The following ABCA4 variants were observed in gnomAD, a reference collection of about 807,000 sequenced individuals.
ABCA4 encodes the protein ATP binding cassette subfamily A member 4.
In ABCA4, 196 loss-of-function variants were observed where a neutral mutation model predicts 263.7. The ratio of observed to expected loss-of-function variants is 0.74; its 90% CI spans 0.66 to 0.84. ABCA4 has a LOEUF of 0.84. Among genes scored for constraint, ABCA4 ranks in the 40% least tolerant of loss-of-function variants. The probability of loss-of-function intolerance (pLI) is 0.00; values close to 1 mark genes in which losing one functional copy is unlikely to be tolerated. For missense variants in ABCA4, 2,792 were observed against 2,855.1 expected (o/e 0.98, Z 0.50); for synonymous variants, 1,133 against 1,094.2 (o/e 1.04, Z -0.70).
chr1:94,056,234 GACAGATAGT>G, intron 15 of ABCA4, among the ~76,000 whole-genome samples: 1 of 152,318 alleles, frequency 6.6e-6, no homozygotes, highest in South Asian at 2.1e-4. Flanking sequence ...CATCTCTTTA[GACAGATAGT>G]AAAGTGGCAA....
Position 94,031,865 on chromosome 1 carries a change from C to A in ABCA4, c.4041G>T (p.Gly1347=), listed in dbSNP as rs1205700196. ...PECPGPQLNT[G]TQLVLQHVQA... is the part of the protein sequence containing the mutation. ...GCACATGCTGGAGGACCAGCTGTGT[C>A]CCCGTGTTGAGCTGCGGGCCTGGGC... is the stretch of plus-strand genomic sequence containing the variant. Residue 1347 remains glycine (G), a synonymous_variant, in exon 27 of 50, where the codon GGG becomes GGT. Transcript: ENST00000370225. 6.2e-7 allele frequency: 1 copy of A among 1,614,168 alleles called. No individual in the cohort carries two copies. The highest frequency in any genetic ancestry group is 8.5e-7 in the Non-Finnish European group (1 of 1,180,036).
chr1:94,071,952 T>A (rs1483466030), intron 11 of ABCA4, among the ~76,000 whole-genome samples: 1 of 152,230 alleles, frequency 6.6e-6, no homozygotes, highest in African/African-American at 2.4e-5. Context: ...AGTCAATGAA[T>A]TAATAGAAGA....
At chr1:94,035,708 C>T (rs1413604108) in intron 26 of ABCA4, among the ~76,000 whole-genome samples, 1 of 152,200 alleles carries the variant, frequency 6.6e-6, no homozygotes, top group Non-Finnish European at 1.5e-5. Flanking sequence ...AAAGCTTTGC[C>T]TGTACCAGGA....
chr1:94,075,948 G>A (rs1462165017), intron 11 of ABCA4, among the ~76,000 whole-genome samples: 1 of 152,204 alleles, frequency 6.6e-6, no homozygotes, highest in African/African-American at 2.4e-5. Context: ...GGGCCAGGAA[G>A]CACAGAGGAG....
intron 43 of ABCA4, 86 bp from the exon 44 acceptor site, chr1:94,005,668 G>T: frequency 7.3e-7 from 1 of 1,376,476 alleles, no homozygotes; most frequent in Non-Finnish European, 1.0e-6. Flanking sequence ...TTCTGCCAAC[G>T]GGAAAAGGAA....
chr1:94,114,569 C>T (rs569804448), intron 1 of ABCA4, among the ~76,000 whole-genome samples: 2 of 152,228 alleles, frequency 1.3e-5, no homozygotes, highest in Admixed American at 6.5e-5. Context: ...TCACTGCAAG[C>T]TCTGCCTCCC....
chr1:94,021,889 A>G lies in ABCA4; in HGVS notation c.4730T>C (p.Val1577Ala), dbSNP rs771574413. Residue 1577 changes from valine (V) to alanine (A), a missense_variant, in exon 33 of 50, where the codon GTT becomes GCT. Physicochemically the swap from Val to Ala is moderately conservative, Grantham distance 64. Transcript: ENST00000370225. Reference sequence around the variant, plus strand: ...CCGGCCAAGGTCGCTTAAAAACCCAACAAGTGCTTCCCCCGTGATGGGGAC... The same window carrying G: ...CCGGCCAAGGTCGCTTAAAAACCCAGCAAGTGCTTCCCCCGTGATGGGGAC... ...PVVPITGEALVGFLSDLGRIM... is the reference protein window; with the variant it reads ...PVVPITGEALAGFLSDLGRIM... 20 of 1,614,034 alleles carry G rather than the reference A, an allele frequency of 1.2e-5. No individual in the cohort carries two copies. Among genetic ancestry groups the G allele is most frequent in the Non-Finnish European group, 1.7e-5 (20 of 1,180,008 alleles).
At chr1:94,100,003 G>A (rs1662246978) in intron 5 of ABCA4, among the ~76,000 whole-genome samples, 1 of 152,126 alleles carries the variant, frequency 6.6e-6, no homozygotes, top group Non-Finnish European at 1.5e-5. Context: ...CCATAGCATT[G>A]GACAGACACT....
chr1:94,026,705 G>A (rs1212226650), intron 30 of ABCA4, among the ~76,000 whole-genome samples: 1 of 152,216 alleles, frequency 6.6e-6, no homozygotes, highest in African/African-American at 2.4e-5. Context: ...TATACTAGAA[G>A]TCAGGGACAG....
chr1:94,016,080 T>A (rs773252911), intron 36 of ABCA4, among the ~76,000 whole-genome samples: 1 of 152,214 alleles, frequency 6.6e-6, no homozygotes, highest in Non-Finnish European at 1.5e-5. Context: ...AGTTTGTATC[T>A]TTTGAAAGGA....
At chr1:94,095,733 C>T (rs1242153385) in intron 6 of ABCA4, among the ~76,000 whole-genome samples, 3 of 148,856 alleles carry the variant, frequency 2.0e-5, no homozygotes, top group Non-Finnish European at 1.5e-5. Context: ...ATTTTAATGC[C>T]TGCAATTTCT....
intron 29 of ABCA4, among the ~76,000 whole-genome samples, chr1:94,029,883 T>C (rs1315892040): frequency 6.6e-6 from 1 of 152,226 alleles, no homozygotes; most frequent in Non-Finnish European, 1.5e-5. Flanking sequence ...CTAGCAGCTC[T>C]AGCTGTTGAG....
chr1:94,008,535 G>T (rs1557762715), intron 41 of ABCA4, among the ~76,000 whole-genome samples: 1 of 152,210 alleles, frequency 6.6e-6, no homozygotes, highest in Non-Finnish European at 1.5e-5. Context: ...TTCTCACTGA[G>T]GCCCTGTGTC....
Position 94,052,124 on chromosome 1 carries a change from A to G in ABCA4, c.2588-426T>C, listed in dbSNP as rs114058358. 6.0e-3 allele frequency among the ~76,000 whole-genome samples: 918 copies of G among 152,256 alleles called. 10 individuals are homozygous for G. The highest frequency in any genetic ancestry group is 0.021 in the African/African-American group (880 of 41,536). The stretch of plus-strand genomic sequence containing the variant: ...CTCAAAACAACCCCAGGAGATAGGT[A>G]GTAATATTATTCTTGTGAGAAAGGA... On this transcript the variant is annotated intron_variant, in intron 16 of 49. Transcript: ENST00000370225.
intron 40 of ABCA4, 82 bp downstream of exon 40, chr1:94,010,718 G>T (rs768698765): frequency 1.3e-6 from 2 of 1,599,558 alleles, no homozygotes; most frequent in Admixed American, 3.3e-5. Context: ...GGCTCCTGAG[G>T]AAAGAAATGA....
chr1:94,056,164 G>A (rs1660972411), intron 15 of ABCA4, among the ~76,000 whole-genome samples: 1 of 152,150 alleles, frequency 6.6e-6, no homozygotes, highest in Admixed American at 6.5e-5. Context: ...AAAGATACTT[G>A]TGGAAATACT....
In ABCA4 at chr1:94,019,723, G is replaced by C; in HGVS notation, c.5055C>G (p.Cys1685Trp). 1 of 1,613,428 alleles carries C rather than the reference G, an allele frequency of 6.2e-7. No individual in the cohort carries two copies. The highest frequency in any genetic ancestry group is 1.1e-5 in the South Asian group (1 of 90,864). Residue 1685 changes from cysteine to tryptophan, a missense_variant, in exon 36 of 50, where the codon TGC becomes TGG. By Grantham distance (215) the Cys-to-Trp change is radical. Coordinates refer to ENST00000370225, the MANE Select transcript of ABCA4 (RefSeq NM_000350.3). Reference sequence around the variant, plus strand: ...GGACGAAGGACATGGAGAAAATCACGCAGATGGCAACCACAGCATCCACTG... The same window carrying C: ...GGACGAAGGACATGGAGAAAATCACCCAGATGGCAACCACAGCATCCACTG... Reference protein sequence around the residue: ...TTSVDAVVAICVIFSMSFVPA... With the variant: ...TTSVDAVVAIWVIFSMSFVPA...
chr1:94,006,702 G>A (rs1448967161), intron 43 of ABCA4, among the ~76,000 whole-genome samples: 1 of 152,184 alleles, frequency 6.6e-6, no homozygotes, highest in African/African-American at 2.4e-5. Context: ...AATTCATCCT[G>A]TCTGAGCCAG....
intron 1 of ABCA4, among the ~76,000 whole-genome samples, chr1:94,117,591 C>T (rs1192136406): frequency 3.9e-5 from 6 of 152,228 alleles, no homozygotes; most frequent in South Asian, 2.1e-4. Context: ...ACAGCCAACA[C>T]GGGCAGATGT....
Sources: gnomAD v4.1 joint callset for allele counts (sites outside exome capture counted in the v4.1 genomes callset) on GRCh38, gnomAD v4.1.1 for gene constraint, MANE v1.5 for transcripts, NCBI Gene and HGNC (gene_info 2026-07-23, HGNC 2026-07-21) for gene names.